GLB1: variants seen among roughly 807,000 people sequenced by gnomAD.
GLB1 encodes beta-galactosidase.
GLB1 carries 56 observed loss-of-function variants against 74.0 expected under a neutral mutation model. That is an observed-to-expected ratio of 0.76 (90% CI 0.61 to 0.94). GLB1 has a LOEUF of 0.94. GLB1 is among the 40% of genes least tolerant of loss of function. The pLI is 0.00. For synonymous variants in GLB1, 323 were observed against 323.6 expected (o/e 1.00, Z 0.02); for missense variants, 787 against 845.5 (o/e 0.93, Z 0.86).
chr3:32,981,566 G>A, the GLB1 span, among the ~76,000 whole-genome samples: 1 of 151,886 alleles, frequency 6.6e-6, no homozygotes, highest in Non-Finnish European at 1.5e-5. Context: ...TTGAGACCAG[G>A]AATTCAAGAC....
intron 2 of GLB1, among the ~76,000 whole-genome samples, chr3:33,072,323 T>G (rs903101100): frequency 2.0e-5 from 3 of 152,362 alleles, no homozygotes; most frequent in Admixed American, 2.0e-4. Context: ...TTTTAAGCTA[T>G]TTATTTAATG....
chr3:33,024,946 T>C lies in GLB1; in HGVS notation c.1069-621A>G, dbSNP rs1487160990. Among the ~76,000 whole-genome samples the C allele has an allele frequency of 4.5e-5, 6 of 133,462 alleles. No individual in the cohort carries two copies. In the South Asian group the frequency reaches 7.3e-4, roughly 16 times the overall value. 87.6% of individuals were successfully genotyped at this position (133,462 alleles called of 152,430 possible). On this transcript the variant is annotated intron_variant, in intron 10 of 15. Coordinates refer to ENST00000307363, the MANE Select transcript of GLB1 (RefSeq NM_000404.4). ...GTCCGGGTGGAGAATATACAAATCC[T>C]CTTTTTTTTTTTTTTTGAGACGAAG...
At chr3:33,045,224 T>A (rs1698690866) in intron 10 of GLB1, 1 of 527,374 alleles carries the variant, frequency 1.9e-6, no homozygotes, top group East Asian at 1.5e-4. Flanking sequence ...ATCAGTAGAC[T>A]GATTTGCTCA....
At chr3:32,994,642 C>T (rs1444401797), downstream of GLB1, among the ~76,000 whole-genome samples, 1 of 152,012 alleles carries the variant, frequency 6.6e-6, no homozygotes, top group Non-Finnish European at 1.5e-5. Context: ...GTTTTCTGGC[C>T]AGGCGCAGTG....
At chr3:32,987,549 T>C in the GLB1 span, among the ~76,000 whole-genome samples, 8 of 152,168 alleles carry the variant, frequency 5.3e-5, no homozygotes, top group Non-Finnish European at 1.2e-4. Flanking sequence ...GAACCCCTCT[T>C]CTGCTGCTCT....
chr3:32,979,869 A>AT, the GLB1 span, among the ~76,000 whole-genome samples: 10,117 of 141,596 alleles, frequency 0.071, 496 homozygotes, highest in African/African-American at 0.099. Flanking sequence ...AAAAAAAAAA[A>AT]AAAAAAAAAG....
chr3:33,074,681 C>T (rs1700045651), intron 1 of GLB1, among the ~76,000 whole-genome samples: 1 of 152,046 alleles, frequency 6.6e-6, no homozygotes, highest in East Asian at 1.9e-4. Flanking sequence ...GCCACAGGAG[C>T]CAAGAGAACC....
rs566874375 is a variant in GLB1 at position 33,055,610 on chromosome 3, G to C, written c.734-2061C>G. Among the ~76,000 whole-genome samples, 8 of 151,604 alleles carry C rather than the reference G, an allele frequency of 5.3e-5. No homozygotes were observed. The East Asian group carries it at 1.6e-3, about 30-fold the overall frequency. On this transcript the variant is annotated intron_variant, in intron 6 of 15. Coordinates refer to ENST00000307363, the MANE Select transcript of GLB1 (RefSeq NM_000404.4). ...TAAGTAGCTGGGATTACAAAAGTGC[G>C]CCACCACGATTTTTGTACCAGCTAA...
intron 1 of GLB1, among the ~76,000 whole-genome samples, chr3:33,090,161 T>G (rs375491059): frequency 6.6e-6 from 1 of 152,226 alleles, no homozygotes; most frequent in East Asian, 1.9e-4. Context: ...GTTAATTTCA[T>G]TGGATATGAT....
rs755581184 is a variant in GLB1 at position 32,997,206 on chromosome 3, G to A, written c.1873C>T (p.Pro625Ser). 3.1e-6 allele frequency: 5 copies of A among 1,614,084 alleles called. No homozygotes were observed. Among genetic ancestry groups the A allele is most frequent in the South Asian group, 1.1e-5 (1 of 91,094 alleles). ...TITVLELEWA[P>S]CSSDDPELCA... ...AGTTCTGGATCATCACTGCTGCAGG[G>A]TGCCCACTCCAGTTCCAGCACGGTG... The change falls in exon 16 of 16, where the codon CCC becomes TCC. Residue 625 changes from proline (P) to serine (S), a missense_variant. Coordinates refer to ENST00000307363, the MANE Select transcript of GLB1 (RefSeq NM_000404.4).
the GLB1 span, among the ~76,000 whole-genome samples, chr3:32,963,283 C>G: frequency 6.6e-6 from 1 of 151,774 alleles, no homozygotes; most frequent in South Asian, 2.1e-4. Context: ...TAGTTAAATT[C>G]CAAACAGAAA....
intron 1 of GLB1, among the ~76,000 whole-genome samples, chr3:33,088,547 T>A (rs1370661328): frequency 1.3e-5 from 2 of 151,584 alleles, no homozygotes; most frequent in African/African-American, 4.9e-5. Context: ...TATAAAAGCA[T>A]CAAAAAGAAT....
chr3:33,046,356 G>C (rs551873844), intron 9 of GLB1, 124 bp from the exon 10 acceptor site: 4 of 1,117,606 alleles, frequency 3.6e-6, no homozygotes, highest in Non-Finnish European at 5.2e-6. Context: ...ACCACTTGTT[G>C]GGAGACACAG....
chr3:33,031,595 G>C (rs185620676), intron 10 of GLB1, among the ~76,000 whole-genome samples: 239 of 101,088 alleles, frequency 2.4e-3, no homozygotes, highest in Non-Finnish European at 3.3e-3. Context: ...CTGGGTGACA[G>C]AGCAAGGCTC....
chr3:33,079,256 T>C (rs1700238436), intron 1 of GLB1, among the ~76,000 whole-genome samples: 2 of 152,172 alleles, frequency 1.3e-5, no homozygotes, highest in Admixed American at 1.3e-4. Flanking sequence ...CATAGCTAGA[T>C]AAGGGTTTTG....
chr3:33,069,075 G>T, intron 2 of GLB1, 105 bp from the exon 3 acceptor site: 1 of 1,585,616 alleles, frequency 6.3e-7, no homozygotes, highest in South Asian at 1.1e-5. Flanking sequence ...ATGGATAAGA[G>T]GGAGAAGGCG....
chr3:33,042,982 C>T (rs937048533), intron 10 of GLB1, among the ~76,000 whole-genome samples: 6 of 152,234 alleles, frequency 3.9e-5, no homozygotes, highest in African/African-American at 1.4e-4. Context: ...TATCTGAAGC[C>T]ATTGTAGTAA....
downstream of GLB1, among the ~76,000 whole-genome samples, chr3:32,994,920 CAAAAAAA>C (rs56169200): frequency 1.4e-3 from 162 of 115,772 alleles, 1 homozygote; most frequent in Admixed American, 2.1e-3. Context: ...GACTCTGTTT[CAAAAAAA>C]AAAAAAAAAA....
chr3:33,094,834 T>A (rs1700937668), intron 1 of GLB1, among the ~76,000 whole-genome samples: 1 of 152,204 alleles, frequency 6.6e-6, no homozygotes, highest in Admixed American at 6.5e-5. Context: ...CCCTAAAATT[T>A]GGGGAGAAAT....
Sources: allele counts gnomAD v4.1 joint callset (sites outside exome capture counted in the v4.1 genomes callset), GRCh38; gene constraint gnomAD v4.1.1; transcripts MANE v1.5; gene names NCBI Gene and HGNC (gene_info 2026-07-23, HGNC 2026-07-21).